The following FILIP1 variants were observed in gnomAD, a reference collection of about 807,000 sequenced individuals.
The protein encoded by FILIP1 is filamin-A-interacting protein 1.
FILIP1 carries 61 observed loss-of-function variants against 102.1 expected under a neutral mutation model. That is an observed-to-expected ratio of 0.60 (90% CI 0.49 to 0.74). The LOEUF (loss-of-function observed/expected upper bound fraction) is 0.74. Among genes scored for constraint, FILIP1 ranks in the 30% least tolerant of loss-of-function variants. The pLI is 0.00. For missense variants in FILIP1, 1,314 were observed against 1,441.2 expected (o/e 0.91, Z 1.43); for synonymous variants, 491 against 526.9 (o/e 0.93, Z 0.93).
At position 75,378,958 on chromosome 6, in the gene FILIP1, A is replaced by G. The variant is rs140063185; in HGVS notation, c.277-16041T>C. ...GAGCTGATAATATGTGGAATAAAAC[A>G]CATGACCCTCATTTCAAAGATCCTG... On this transcript the variant is annotated intron_variant, in intron 2 of 5. Transcript: ENST00000237172. Among the ~76,000 whole-genome samples the G allele has an allele frequency of 2.0e-5, 3 of 152,364 alleles. No homozygotes were observed. In the East Asian group the frequency reaches 5.8e-4, roughly 29 times the overall value.
intron 1 of FILIP1, among the ~76,000 whole-genome samples, chr6:75,442,573 G>A (rs1321069087): frequency 1.3e-5 from 2 of 149,010 alleles, no homozygotes; most frequent in African/African-American, 2.5e-5. Flanking sequence ...CCAACACAGC[G>A]AAACCCCGTC....
At chr6:75,423,061 A>G (rs1019619994) in intron 1 of FILIP1, among the ~76,000 whole-genome samples, 1 of 152,176 alleles carries the variant, frequency 6.6e-6, no homozygotes, top group Non-Finnish European at 1.5e-5. Flanking sequence ...AGGAGATAAG[A>G]GCCTTGAAGA....
chr6:75,426,764 G>A (rs80050291), intron 1 of FILIP1, among the ~76,000 whole-genome samples: 2 of 49,700 alleles, frequency 4.0e-5, no homozygotes, highest in African/African-American at 8.7e-5. Flanking sequence ...GCTGAGAGAC[G>A]ACAACAGAGG....
At chr6:75,370,517 A>G (rs1175470110) in intron 2 of FILIP1, among the ~76,000 whole-genome samples, 1 of 151,728 alleles carries the variant, frequency 6.6e-6, no homozygotes, top group Admixed American at 6.6e-5. Context: ...ACATTTTGTC[A>G]ACCTCTTTAC....
Position 75,314,094 on chromosome 6 carries a change from T to C in FILIP1, c.1738A>G (p.Lys580Glu), listed in dbSNP as rs1193923969. 1 of 1,504,242 alleles carries C rather than the reference T, an allele frequency of 6.6e-7. No homozygotes were observed. The allele number at this position is 1,504,242 out of a possible 1,614,324, so 93.2% of individuals were successfully genotyped here. A position where few individuals can be genotyped will look rare whatever the true frequency, so the allele number is the denominator to read the frequency against. Reference protein sequence around the residue: ...RERDELIGKLKSEEEKSSELS... With the variant: ...RERDELIGKLESEEEKSSELS... ...TCAGAGGATTTTTCTTCTTCACTTT[T>C]CAATTTGCCTATCAACTCATCTCTT... The change falls in exon 5 of 6, where the codon AAA becomes GAA. Residue 580 changes from lysine to glutamate, a missense_variant. By Grantham distance (56) the Lys-to-Glu change is moderately conservative. This residue lies in a region of FILIP1 where 816 missense variants were observed against 913.1 expected (regional missense o/e 0.89). Transcript: ENST00000237172.
intron 1 of FILIP1, among the ~76,000 whole-genome samples, chr6:75,427,379 G>A (rs1777662096): frequency 6.6e-6 from 1 of 152,082 alleles, no homozygotes; most frequent in Admixed American, 6.6e-5. Flanking sequence ...AAACTATAAA[G>A]TACTATAGGA....
intron 6 of FILIP1, among the ~76,000 whole-genome samples, chr6:75,302,041 G>C (rs1582306087): frequency 6.6e-6 from 1 of 152,122 alleles, no homozygotes; most frequent in East Asian, 1.9e-4. Context: ...TGTTCTGCTG[G>C]GGGAGTCGGA....
intron 1 of FILIP1, among the ~76,000 whole-genome samples, chr6:75,442,852 C>T (rs1778318877): frequency 6.6e-6 from 1 of 152,194 alleles, no homozygotes; most frequent in Non-Finnish European, 1.5e-5. Context: ...CAGTGTCATC[C>T]GTGGAGTTAG....
At chr6:75,418,894 G>A (rs899981543) in intron 1 of FILIP1, among the ~76,000 whole-genome samples, 9 of 151,928 alleles carry the variant, frequency 5.9e-5, no homozygotes, top group Non-Finnish European at 8.8e-5. Flanking sequence ...TAATTTACAC[G>A]GAATTTGCTA....
At chr6:75,480,429 C>T (rs920050225) in intron 1 of FILIP1, among the ~76,000 whole-genome samples, 1 of 151,028 alleles carries the variant, frequency 6.6e-6, no homozygotes. Context: ...TTTTAAGAGA[C>T]AGAGTTGCAC....
chr6:75,384,174 C>CTAT (rs1341697039), intron 2 of FILIP1, among the ~76,000 whole-genome samples: 5 of 152,032 alleles, frequency 3.3e-5, no homozygotes, highest in Non-Finnish European at 5.9e-5. Context: ...AAATTTAGAT[C>CTAT]AAACTCTAAT....
At chr6:75,371,677 A>G (rs965853220) in intron 2 of FILIP1, among the ~76,000 whole-genome samples, 4 of 152,244 alleles carry the variant, frequency 2.6e-5, no homozygotes, top group African/African-American at 9.6e-5. Context: ...TTGCATATAT[A>G]GACAAATGAT....
intron 1 of FILIP1, among the ~76,000 whole-genome samples, chr6:75,472,154 A>T (rs918620399): frequency 6.6e-6 from 1 of 152,130 alleles, no homozygotes; most frequent in Non-Finnish European, 1.5e-5. Context: ...ATATTACTGG[A>T]AAATCCAAAG....
intron 2 of FILIP1, among the ~76,000 whole-genome samples, chr6:75,403,002 C>T (rs113926912): frequency 1.3e-5 from 2 of 151,998 alleles, no homozygotes; most frequent in Non-Finnish European, 2.9e-5. Flanking sequence ...TAATGAGGCA[C>T]GTGAAAGATG....
intron 4 of FILIP1, among the ~76,000 whole-genome samples, chr6:75,326,029 G>A (rs960887030): frequency 1.3e-5 from 2 of 151,744 alleles, no homozygotes; most frequent in East Asian, 1.9e-4. Context: ...ACCAACGAGT[G>A]GATAAAAGGT....
chr6:75,346,966 C>G (rs1233046029), intron 4 of FILIP1, among the ~76,000 whole-genome samples: 1 of 151,088 alleles, frequency 6.6e-6, no homozygotes, highest in Non-Finnish European at 1.5e-5. Context: ...CAATTTCCTT[C>G]ATCAGTGGGA....
At chr6:75,303,771 G>A (rs961767746), downstream of FILIP1, among the ~76,000 whole-genome samples, 4 of 151,774 alleles carry the variant, frequency 2.6e-5, no homozygotes, top group Non-Finnish European at 5.9e-5. Context: ...GAGAGAGAGA[G>A]AAAGAGAGAG....
At chr6:75,477,502 C>T (rs1779513204) in intron 1 of FILIP1, among the ~76,000 whole-genome samples, 2 of 151,524 alleles carry the variant, frequency 1.3e-5, no homozygotes, top group Admixed American at 1.3e-4. Context: ...ATACATATAT[C>T]AAAACATCAC....
chr6:75,454,048 G>C, intron 1 of FILIP1: 1 of 456,250 alleles, frequency 2.2e-6, no homozygotes, highest in Non-Finnish European at 4.4e-6. Context: ...CAGAAGTCCA[G>C]ATACAGCGTG....
Sources: gnomAD v4.1 joint callset for allele counts (sites outside exome capture counted in the v4.1 genomes callset) on GRCh38, gnomAD v4.1.1 for gene constraint, gnomAD v4.1.1 regional missense constraint, MANE v1.5 for transcripts, NCBI Gene and HGNC (gene_info 2026-07-23, HGNC 2026-07-21) for gene names.